ALPK2: variants seen among roughly 807,000 people sequenced by gnomAD.
The protein encoded by ALPK2 is alpha-protein kinase 2.
In ALPK2, 127 loss-of-function variants were observed where a neutral mutation model predicts 163.1. The ratio of observed to expected loss-of-function variants is 0.78; its 90% confidence interval spans 0.67 to 0.90. The LOEUF (loss-of-function observed/expected upper bound fraction) is 0.90. Ranked by LOEUF, ALPK2 falls within the 40% of genes least tolerant of loss-of-function variation. ALPK2 has a pLI of 0.00. For missense variants in ALPK2, 2,360 were observed against 2,589.6 expected, an observed-to-expected ratio of 0.91 and a Z score of 1.92; for synonymous variants, 953 against 959.1, an observed-to-expected ratio of 0.99 and a Z score of 0.12.
intron 4 of ALPK2, among the ~76,000 whole-genome samples, chr18:58,573,861 G>T (rs2051904696): frequency 6.6e-6 from 1 of 151,984 alleles, no homozygotes; most frequent in Admixed American, 6.6e-5. Context: ...CACCATGCAA[G>T]ATCTCAGTCT....
intron 3 of ALPK2, among the ~76,000 whole-genome samples, chr18:58,598,452 C>T (rs1029513192): frequency 2.0e-5 from 3 of 152,170 alleles, no homozygotes; most frequent in Non-Finnish European, 4.4e-5. Flanking sequence ...ACTCAGGAGG[C>T]AGGGGCAGGA....
At chr18:58,601,154 G>A (rs542323317) in intron 3 of ALPK2, among the ~76,000 whole-genome samples, 78 of 152,208 alleles carry the variant, frequency 5.1e-4, no homozygotes, top group African/African-American at 1.8e-3. Flanking sequence ...TACTTGGAAG[G>A]CTGAGGCAGG....
In ALPK2 at chr18:58,535,515, G is replaced by T. The variant is rs751827084; in HGVS notation, c.4672C>A (p.His1558Asn). 1 of 1,614,150 alleles carries T rather than the reference G, an allele frequency of 6.2e-7. No individual in the cohort carries two copies. Among genetic ancestry groups the T allele is most frequent in the Non-Finnish European group, 8.5e-7 (1 of 1,180,004 alleles). Residue 1558 changes from histidine to asparagine, a missense_variant, in exon 5 of 13, where the codon CAC (histidine) becomes AAC (asparagine). By Grantham distance (68) the His-to-Asn change is moderately conservative. Coordinates refer to ENST00000361673, the MANE Select transcript of ALPK2 (RefSeq NM_052947.4). ...TCATGAATTTGGCCTGTGGAGTTGTGCGTGTCAACCCCAAGAGAAGCGTGA... is the reference window on the plus strand; with the variant it reads ...TCATGAATTTGGCCTGTGGAGTTGTTCGTGTCAACCCCAAGAGAAGCGTGA... ...MTHASLGVDT[H>N]NSTGQIHDVP...
chr18:58,512,741 TGTG>T (rs1225032834), intron 10 of ALPK2, among the ~76,000 whole-genome samples: 5 of 66,478 alleles, frequency 7.5e-5, no homozygotes, highest in African/African-American at 1.7e-4. Context: ...GTGTGTGTTA[TGTG>T]GTGTGTGTTG....
intron 1 of ALPK2, among the ~76,000 whole-genome samples, chr18:58,615,903 AC>A (rs1399456598): frequency 7.8e-4 from 119 of 152,292 alleles, no homozygotes; most frequent in African/African-American, 2.8e-3. Context: ...ACACTATTTG[AC>A]TCACATAGTC....
chr18:58,600,798 C>T (rs2052065431), intron 3 of ALPK2: 1 of 152,216 alleles, frequency 6.6e-6, no homozygotes, highest in African/African-American at 2.4e-5. Flanking sequence ...TGGTTCAATA[C>T]CCGTTTCTGA....
intron 11 of ALPK2, 55 bp from the exon 12 acceptor site, chr18:58,498,152 A>G: frequency 6.4e-7 from 1 of 1,570,816 alleles, no homozygotes; most frequent in Non-Finnish European, 8.8e-7. Flanking sequence ...CCCCTCAGGA[A>G]GTTGGGCCAT....
chr18:58,547,135 A>ATATC (rs575354771), intron 4 of ALPK2, among the ~76,000 whole-genome samples: 224 of 152,312 alleles, frequency 1.5e-3, no homozygotes, highest in African/African-American at 4.8e-3. Flanking sequence ...TAAGAGTTAG[A>ATATC]TAACACCTCT....
At chr18:58,576,692 T>C (rs1301628425) in intron 4 of ALPK2, among the ~76,000 whole-genome samples, 3 of 152,144 alleles carry the variant, frequency 2.0e-5, no homozygotes, top group African/African-American at 7.2e-5. Context: ...AAATAGAAAC[T>C]TTTTGCGTGG....
chr18:58,587,122 C>G (rs1482735090), intron 3 of ALPK2, among the ~76,000 whole-genome samples: 1 of 152,190 alleles, frequency 6.6e-6, no homozygotes, highest in Admixed American at 6.5e-5. Flanking sequence ...AACATGCACA[C>G]ACAGCCCCTC....
In ALPK2 at chr18:58,536,980, T is replaced by G; in HGVS notation, c.3207A>C (p.Thr1069=). The G allele has an allele frequency of 9.9e-6, 16 of 1,614,174 alleles. No homozygotes were observed. Among genetic ancestry groups the G allele is most frequent in the Non-Finnish European group, 1.4e-5 (16 of 1,180,020 alleles). The change falls in exon 5 of 13, where the codon ACA becomes ACC. Residue 1069 remains threonine, a synonymous_variant. Transcript: ENST00000361673. ...HILSGATIKS[T]KELLCRAPSV... is the part of the protein sequence containing the mutation. ...TGGGTGCCCTGCAAAGTAGCTCTTT[T>G]GTAGATTTGATGGTAGCACCACTTA...
chr18:58,590,131 G>C lies in ALPK2; in HGVS notation c.228-9583C>G, dbSNP rs2052007332. Among the ~76,000 whole-genome samples, 5 of 150,846 alleles carry C rather than the reference G, an allele frequency of 3.3e-5. No homozygotes were observed. In the South Asian group the frequency reaches 8.4e-4, roughly 25 times the overall value. Reference sequence around the variant, plus strand: ...AGCTACTTGGGAGGCTGAGGCAGGAGAGTCGCTTGAACCCAGGGGCGGAGA... The same window carrying C: ...AGCTACTTGGGAGGCTGAGGCAGGACAGTCGCTTGAACCCAGGGGCGGAGA... On this transcript the variant is annotated intron_variant, in intron 3 of 12. Coordinates refer to ENST00000361673, the MANE Select transcript of ALPK2 (RefSeq NM_052947.4).
In ALPK2 at chr18:58,536,703, C is replaced by G. The variant is rs760607262; in HGVS notation, c.3484G>C (p.Ala1162Pro). 1.9e-6 allele frequency: 3 copies of G among 1,614,184 alleles called. No individual in the cohort carries two copies. The highest frequency in any genetic ancestry group is 2.5e-6 in the Non-Finnish European group (3 of 1,180,026). ...DFQQSLPTTS[A>P]AQEERNLVPT... is the part of the protein sequence containing the mutation. ...ACCAAGTTTCTTTCCTCTTGTGCAG[C>G]AGATGTCGTAGGCAAACTTTGTTGG... Residue 1162 changes from alanine to proline, a missense_variant, in exon 5 of 13, where the codon GCT becomes CCT. Coordinates refer to ENST00000361673, the MANE Select transcript of ALPK2 (RefSeq NM_052947.4).
At chr18:58,613,211 T>A (rs1468384487) in intron 1 of ALPK2, among the ~76,000 whole-genome samples, 1 of 151,976 alleles carries the variant, frequency 6.6e-6, no homozygotes, top group Non-Finnish European at 1.5e-5. Flanking sequence ...ACCTAAAAAA[T>A]CTCCTGATGA....
At chr18:58,559,797 G>A (rs2051816443) in intron 4 of ALPK2, among the ~76,000 whole-genome samples, 1 of 152,200 alleles carries the variant, frequency 6.6e-6, no homozygotes, top group African/African-American at 2.4e-5. Flanking sequence ...TGAGGAATGG[G>A]CTGCTTCTCT....
chr18:58,539,381 A>C (rs1420487779), intron 4 of ALPK2, among the ~76,000 whole-genome samples: 1 of 152,190 alleles, frequency 6.6e-6, no homozygotes, highest in Non-Finnish European at 1.5e-5. Context: ...GAGAAAAAGA[A>C]ACCTCACATT....
At chr18:58,555,369 A>G (rs138461016) in intron 4 of ALPK2, among the ~76,000 whole-genome samples, 1 of 152,354 alleles carries the variant, frequency 6.6e-6, no homozygotes, top group Non-Finnish European at 1.5e-5. Flanking sequence ...ATATCTAGGT[A>G]CCCACAATGG....
At chr18:58,490,577 A>C (rs2051368959) in intron 12 of ALPK2, among the ~76,000 whole-genome samples, 1 of 151,678 alleles carries the variant, frequency 6.6e-6, no homozygotes, top group South Asian at 2.1e-4. Context: ...AGCTACCCCC[A>C]ACAGAAACCA....
intron 3 of ALPK2, among the ~76,000 whole-genome samples, chr18:58,588,951 G>A (rs2052001276): frequency 6.6e-6 from 1 of 152,178 alleles, no homozygotes; most frequent in Non-Finnish European, 1.5e-5. Context: ...GTTTATATCT[G>A]GTAATGGGAT....
Sources: gnomAD v4.1 joint callset for allele counts (sites outside exome capture counted in the v4.1 genomes callset) on GRCh38, gnomAD v4.1.1 for gene constraint, MANE v1.5 for transcripts, NCBI Gene and HGNC (gene_info 2026-07-23, HGNC 2026-07-21) for gene names.